The following SELENOF variants were observed in gnomAD, a reference collection of about 807,000 sequenced individuals.
SELENOF encodes the protein selenoprotein F.
SELENOF carries 16 observed loss-of-function variants against 20.5 expected under a neutral mutation model. That is an observed-to-expected ratio of 0.78 (90% confidence interval 0.53 to 1.19). The LOEUF (loss-of-function observed/expected upper bound fraction) is 1.19, where lower values mean the gene tolerates loss of function less well. Ranked by LOEUF, SELENOF falls within the 50% of genes most tolerant of loss-of-function variation. SELENOF has a pLI of 0.00. For missense variants in SELENOF, 215 were observed against 194.2 expected, an observed-to-expected ratio of 1.11 and a Z score of -0.64; for synonymous variants, 78 against 74.5, an observed-to-expected ratio of 1.05 and a Z score of -0.24.
chr1:86,904,397 G>A (rs955937310), intron 1 of SELENOF, among the ~76,000 whole-genome samples: 1 of 152,122 alleles, frequency 6.6e-6, no homozygotes, highest in Non-Finnish European at 1.5e-5. Context: ...CATTAAATCA[G>A]AGATGATTTA....
intron 1 of SELENOF, among the ~76,000 whole-genome samples, chr1:86,905,549 G>A (rs1489041650): frequency 6.6e-6 from 1 of 152,050 alleles, no homozygotes; most frequent in Non-Finnish European, 1.5e-5. Flanking sequence ...AAACAGTACC[G>A]TTCGTGACAC....
intron 2 of SELENOF, among the ~76,000 whole-genome samples, chr1:86,895,168 C>T (rs952365231): frequency 3.3e-5 from 5 of 152,176 alleles, no homozygotes; most frequent in African/African-American, 1.2e-4. Flanking sequence ...TATATTTCCT[C>T]TTGATTCGAC....
intron 3 of SELENOF, among the ~76,000 whole-genome samples, chr1:86,870,351 A>C (rs1217689274): frequency 6.6e-6 from 1 of 152,192 alleles, no homozygotes; most frequent in Non-Finnish European, 1.5e-5. Context: ...CATTTCTATT[A>C]ACTTTATCCT....
At chr1:86,909,912 GGA>G (rs762376022) in intron 1 of SELENOF, among the ~76,000 whole-genome samples, 89 of 152,336 alleles carry the variant, frequency 5.8e-4, no homozygotes, top group Non-Finnish European at 9.8e-4. Flanking sequence ...GGCTGATGCA[GGA>G]GAGTCGCTTG....
intron 2 of SELENOF, among the ~76,000 whole-genome samples, chr1:86,898,634 T>G (rs1425096074): frequency 6.7e-6 from 1 of 149,322 alleles, no homozygotes; most frequent in Non-Finnish European, 1.5e-5. Flanking sequence ...CAGGTTGGAG[T>G]GCAGTGGTGC....
chr1:86,900,617 G>A (rs1011943875), intron 2 of SELENOF, among the ~76,000 whole-genome samples: 1 of 151,784 alleles, frequency 6.6e-6, no homozygotes, highest in African/African-American at 2.4e-5. Flanking sequence ...GAGGGAGACC[G>A]TGGGGAGGGG....
At chr1:86,880,221 T>C (rs1659031312) in intron 3 of SELENOF, among the ~76,000 whole-genome samples, 1 of 151,896 alleles carries the variant, frequency 6.6e-6, no homozygotes, top group Non-Finnish European at 1.5e-5. Context: ...CTGCAACCTC[T>C]GCCTCCCGGG....
At chr1:86,881,631 A>C (rs546322966) in intron 2 of SELENOF, among the ~76,000 whole-genome samples, 41 of 152,192 alleles carry the variant, frequency 2.7e-4, no homozygotes, top group Non-Finnish European at 4.9e-4. Context: ...ACTTAATTAA[A>C]AACAACAACA....
intron 4 of SELENOF, among the ~76,000 whole-genome samples, chr1:86,864,492 G>T (rs771611730): frequency 6.6e-6 from 1 of 152,098 alleles, no homozygotes; most frequent in Non-Finnish European, 1.5e-5. Context: ...GGTATTCTGG[G>T]GTTGTGAACT....
intron 2 of SELENOF, 145 bp from the exon 3 acceptor site, chr1:86,880,870 C>G: frequency 2.1e-6 from 1 of 473,894 alleles, no homozygotes; most frequent in Non-Finnish European, 3.7e-6. Flanking sequence ...CCAGACAGGA[C>G]CATGTAGTTC....
intron 3 of SELENOF, among the ~76,000 whole-genome samples, chr1:86,879,930 T>G (rs1659019934): frequency 2.0e-5 from 3 of 152,244 alleles, no homozygotes; most frequent in Admixed American, 1.3e-4. Context: ...CTTCTTTCCT[T>G]GGTGATTTGT....
In SELENOF at chr1:86,863,478, A is replaced by G; in HGVS notation, c.494T>C (p.Ile165Thr). The part of the protein sequence containing the change: ...EEFLSEKLER[I>T] ...AGGACAAAATTTAAGCAAGATTTATATGCGTTCCAACTTTTCACTCAGGAA... is the reference window on the plus strand; with the variant it reads ...AGGACAAAATTTAAGCAAGATTTATGTGCGTTCCAACTTTTCACTCAGGAA... The change falls in exon 5 of 5, where the codon ATA becomes ACA. Residue 165 changes from isoleucine to threonine, a missense_variant. Physicochemically the swap from Ile to Thr is moderately conservative, Grantham distance 89. Coordinates refer to ENST00000331835, the MANE Select transcript of SELENOF (RefSeq NM_004261.5). The G allele has an allele frequency of 6.2e-7, 1 of 1,611,302 alleles. No homozygotes were observed. Among genetic ancestry groups the G allele is most frequent in the Non-Finnish European group, 8.5e-7 (1 of 1,178,942 alleles).
At chr1:86,900,191 C>G (rs931605626) in intron 2 of SELENOF, among the ~76,000 whole-genome samples, 2 of 151,900 alleles carry the variant, frequency 1.3e-5, no homozygotes, top group Non-Finnish European at 2.9e-5. Context: ...GGGGTGGCGG[C>G]TGGGCAGAGG....
chr1:86,876,602 A>C (rs1364246320), intron 3 of SELENOF, among the ~76,000 whole-genome samples: 4 of 152,222 alleles, frequency 2.6e-5, no homozygotes, highest in African/African-American at 9.6e-5. Flanking sequence ...TTTCTAACAA[A>C]ACTTTATGTA....
At chr1:86,914,370 C>G (rs1417374130), upstream of SELENOF, 9 of 524,498 alleles carry the variant, frequency 1.7e-5, no homozygotes, top group Middle Eastern at 2.1e-3. Context: ...CACGACACTT[C>G]GTCAAGCAGC....
intron 2 of SELENOF, among the ~76,000 whole-genome samples, chr1:86,891,966 T>C (rs1051503860): frequency 4.6e-5 from 7 of 151,984 alleles, no homozygotes; most frequent in Admixed American, 3.9e-4. Flanking sequence ...AGTCTCGCTC[T>C]GTTGCCCAGG....
chr1:86,889,246 A>G (rs1193261537), intron 2 of SELENOF, among the ~76,000 whole-genome samples: 1 of 152,184 alleles, frequency 6.6e-6, no homozygotes, highest in Non-Finnish European at 1.5e-5. Context: ...ATGGCCTTTT[A>G]AATTAAAACT....
intron 2 of SELENOF, among the ~76,000 whole-genome samples, chr1:86,897,908 C>A (rs1009176797): frequency 3.3e-5 from 5 of 152,156 alleles, no homozygotes; most frequent in African/African-American, 1.2e-4. Flanking sequence ...TTTCCTTAAA[C>A]CAGCTAAAAT....
chr1:86,909,873 C>T (rs761837363), intron 1 of SELENOF, among the ~76,000 whole-genome samples: 2 of 152,134 alleles, frequency 1.3e-5, no homozygotes, highest in Non-Finnish European at 1.5e-5. Flanking sequence ...GGCGTGGGGG[C>T]GCGTGCCTGT....
Sources: allele counts gnomAD v4.1 joint callset (sites outside exome capture counted in the v4.1 genomes callset), GRCh38; gene constraint gnomAD v4.1.1; transcripts MANE v1.5; gene names NCBI Gene and HGNC (gene_info 2026-07-23, HGNC 2026-07-21).